Variants in FHIP2B observed in about 807,000 individuals in gnomAD.
FHIP2B encodes FHF complex subunit HOOK interacting protein 2B, also known as FHF complex subunit HOOK-interacting protein 2B.
Under a neutral mutation model 84.0 loss-of-function variants are expected in FHIP2B, and 72 were observed. The observed-to-expected ratio is 0.86, with a 90% CI of 0.71 to 1.04. The LOEUF (loss-of-function observed/expected upper bound fraction) is 1.04. Among genes scored for constraint, FHIP2B ranks in the 50% least tolerant of loss-of-function variants. FHIP2B has a pLI of 0.00. For synonymous variants in FHIP2B, 497 were observed against 418.7 expected, an observed-to-expected ratio of 1.19 and a Z score of -2.28; for missense variants, 972 against 968.9, an observed-to-expected ratio of 1.00 and a Z score of -0.04.
chr8:22,096,705 C>T (rs1224740279), intron 3 of FHIP2B, 196 bp downstream of exon 3: 6 of 695,354 alleles, frequency 8.6e-6, no homozygotes, highest in East Asian at 3.2e-5. Flanking sequence ...TGCCTATGCT[C>T]TTCCCAGTCC....
Position 22,101,701 on chromosome 8 carries a change from G to T in FHIP2B, c.1708-7G>T. The T allele has an allele frequency of 6.2e-7, 1 of 1,606,082 alleles. No individual in the cohort carries two copies. Among genetic ancestry groups the T allele is most frequent in the Non-Finnish European group, 8.5e-7 (1 of 1,175,248 alleles). The stretch of plus-strand genomic sequence containing the variant: ...GCCCACTGCCTCTACTTTCCCGCCT[G>T]TCTCAGTTCCAGGAGTGCAGCTCCC... On this transcript the variant is annotated splice_polypyrimidine_tract_variant and splice_region_variant and intron_variant, in intron 13 of 16. Transcript: ENST00000289921.
intron 1 of FHIP2B, among the ~76,000 whole-genome samples, chr8:22,094,177 C>T (rs1825644147): frequency 6.6e-6 from 1 of 152,112 alleles, no homozygotes; most frequent in Non-Finnish European, 1.5e-5. Context: ...AGAGACAGGA[C>T]AGGATTGTGA....
Position 22,102,657 on chromosome 8 carries a change from T to C in FHIP2B, c.2093+29T>C, listed in dbSNP as rs762976788. Reference sequence around the variant, plus strand: ...AGTACCAAGGGTGCCAGGTGAAGCCTTGGGGTGGGAGAGTGGAAAGCGCCT... The same window carrying C: ...AGTACCAAGGGTGCCAGGTGAAGCCCTGGGGTGGGAGAGTGGAAAGCGCCT... On this transcript the variant is annotated intron_variant, in intron 16 of 16. Transcript: ENST00000289921. 8.3e-6 allele frequency: 13 copies of C among 1,565,638 alleles called. No homozygotes were observed. In the South Asian group the frequency reaches 1.5e-4, roughly 18 times the overall value.
At chr8:22,099,931 C>A (rs766473177) in intron 10 of FHIP2B, 38 bp downstream of exon 10, 4 of 1,538,002 alleles carry the variant, frequency 2.6e-6, no homozygotes, top group Admixed American at 4.6e-5. Context: ...CCTCTCACCA[C>A]CCCTGCCAGA....
chr8:22,095,692 A>G (rs1436475337), intron 2 of FHIP2B: 1 of 152,202 alleles, frequency 6.6e-6, no homozygotes, highest in East Asian at 1.9e-4. Context: ...CCTTAAAGGA[A>G]AGCTAGGGGG....
At chr8:22,100,227 C>G (rs1196081935) in intron 10 of FHIP2B, 2 of 387,302 alleles carry the variant, frequency 5.2e-6, no homozygotes, top group Admixed American at 9.3e-5. Flanking sequence ...AGCCACTGTT[C>G]CCAGCTTATT....
At chr8:22,098,743 A>T in intron 7 of FHIP2B, 124 bp downstream of exon 7, 1 of 1,096,364 alleles carries the variant, frequency 9.1e-7, no homozygotes, top group Non-Finnish European at 1.3e-6. Context: ...CCCTCTCCCC[A>T]AGGCTGCAGC....
At chr8:22,089,774 C>T (rs1205573659) in intron 1 of FHIP2B, 4 of 1,285,914 alleles carry the variant, frequency 3.1e-6, no homozygotes, top group Admixed American at 2.3e-5. Flanking sequence ...ACTCCAGGAC[C>T]TTGTTGGGGT....
Position 22,098,529 on chromosome 8 carries a change from C to A in FHIP2B, c.875C>A (p.Ala292Glu). Residue 292 changes from alanine to glutamate, a missense_variant, in exon 7 of 17, where the codon GCG becomes GAG. Physicochemically the swap from Ala to Glu is moderately radical, Grantham distance 107. Coordinates refer to ENST00000289921, the MANE Select transcript of FHIP2B (RefSeq NM_022749.7). Reference sequence around the variant, plus strand: ...GTACAGAGCAGCGCCTGCTGCCCTGCGATCGTCCGGCACCTTTGCCAGTTG... The same window carrying A: ...GTACAGAGCAGCGCCTGCTGCCCTGAGATCGTCCGGCACCTTTGCCAGTTG... Reference protein sequence around the residue: ...YLVQSSACCPAIVRHLCQLYR... With the variant: ...YLVQSSACCPEIVRHLCQLYR... 1 of 1,613,020 alleles carries A rather than the reference C, an allele frequency of 6.2e-7. No individual in the cohort carries two copies. Among genetic ancestry groups the A allele is most frequent in the Non-Finnish European group, 8.5e-7 (1 of 1,179,642 alleles).
chr8:22,093,925 C>T (rs1380911600), intron 1 of FHIP2B, among the ~76,000 whole-genome samples: 3 of 151,876 alleles, frequency 2.0e-5, no homozygotes, highest in Admixed American at 6.6e-5. Context: ...ATCATGTTGC[C>T]GAGGCTGGTT....
rs1368737747 is a variant in FHIP2B at position 22,097,573 on chromosome 8, G to A, written c.355G>A (p.Val119Met). The change falls in exon 4 of 17, where the codon GTG (valine) becomes ATG (methionine). Residue 119 changes from valine (V) to methionine (M), a missense_variant. Coordinates refer to ENST00000289921, the MANE Select transcript of FHIP2B (RefSeq NM_022749.7). ...FQFFSKVLAQ[V>M]QHPLLHYLSV... is the part of the protein sequence containing the mutation. Reference sequence around the variant, plus strand: ...GTTCTTCAGCAAGGTTCTGGCGCAGGTGCAGCACCCCCTGCTGCATTACCT... The same window carrying A: ...GTTCTTCAGCAAGGTTCTGGCGCAGATGCAGCACCCCCTGCTGCATTACCT... The A allele has an allele frequency of 4.3e-6, 7 of 1,610,392 alleles. No individual in the cohort carries two copies. Among genetic ancestry groups the A allele is most frequent in the Non-Finnish European group, 5.9e-6 (7 of 1,178,660 alleles).
At chr8:22,101,914 G>A (rs890085997) in intron 14 of FHIP2B, 63 bp downstream of exon 14, 2 of 1,578,114 alleles carry the variant, frequency 1.3e-6, no homozygotes, top group Admixed American at 1.8e-5. Flanking sequence ...TTCAAGAGCA[G>A]AGGTTGGCCA....
chr8:22,097,671 C>A (rs1264944124), intron 4 of FHIP2B, 46 bp from the exon 5 acceptor site: 1 of 1,607,700 alleles, frequency 6.2e-7, no homozygotes, highest in Admixed American at 1.7e-5. Context: ...CCCCTCTCTC[C>A]CCTGCCACCC....
In FHIP2B at chr8:22,101,422, C is replaced by T; in HGVS notation, c.1617-18C>T. 6.3e-7 allele frequency: 1 copy of T among 1,593,372 alleles called. No individual in the cohort carries two copies. Among genetic ancestry groups the T allele is most frequent in the Non-Finnish European group, 8.6e-7 (1 of 1,168,482 alleles). ...AGGGTGAGCCGGGAGCGCCTCCACA[C>T]CGGCTTCTATCTCTCAGTTTCCTGT... On this transcript the variant is annotated intron_variant, in intron 12 of 16. Coordinates refer to ENST00000289921, the MANE Select transcript of FHIP2B (RefSeq NM_022749.7).
At chr8:22,098,800 T>C in intron 7 of FHIP2B, 148 bp from the exon 8 acceptor site, 1 of 928,372 alleles carries the variant, frequency 1.1e-6, no homozygotes, top group Non-Finnish European at 1.6e-6. Flanking sequence ...CTGGTTTTGC[T>C]GCCTCTGTCC....
In FHIP2B at chr8:22,101,500, T is replaced by C. The variant is rs1826110887; in HGVS notation, c.1677T>C (p.Tyr559=). 1 of 1,612,966 alleles carries C rather than the reference T, an allele frequency of 6.2e-7. No individual in the cohort carries two copies. The highest frequency in any genetic ancestry group is 8.5e-7 in the Non-Finnish European group (1 of 1,179,304). The change falls in exon 13 of 17, where the codon TAT becomes TAC. Residue 559 remains tyrosine, a synonymous_variant. Transcript: ENST00000289921. ...KTSAFLEETG[Y]DTYVHDAYGL... ...CTGCCTTCCTGGAGGAGACAGGCTA[T>C]GACACATACGTCCACGATGCTTATG...
chr8:22,096,227 C>T, intron 2 of FHIP2B, 110 bp from the exon 3 acceptor site: 1 of 1,095,318 alleles, frequency 9.1e-7, no homozygotes, highest in Non-Finnish European at 1.3e-6. Context: ...CTTCCCCCAC[C>T]TCTCCCAGAC....
intron 1 of FHIP2B, among the ~76,000 whole-genome samples, chr8:22,093,708 CTTTTTTTTTTTT>C (rs59841460): frequency 3.0e-5 from 2 of 66,458 alleles, no homozygotes; most frequent in South Asian, 1.4e-3. Flanking sequence ...AAAGCTTTGT[CTTTTTTTTTTTT>C]TTTTTTTTTT....
At chr8:22,095,867 T>C (rs1825738416) in intron 2 of FHIP2B, 1 of 152,970 alleles carries the variant, frequency 6.5e-6, no homozygotes, top group African/African-American at 2.4e-5. Context: ...TTCTGCTTTG[T>C]GAAAAACAGA....
Sources: allele counts gnomAD v4.1 joint callset (sites outside exome capture counted in the v4.1 genomes callset), GRCh38; gene constraint gnomAD v4.1.1; transcripts MANE v1.5; gene names NCBI Gene and HGNC (gene_info 2026-07-23, HGNC 2026-07-21).